The following SEMA6D variants were observed in gnomAD, a reference collection of about 807,000 sequenced individuals.
The protein encoded by SEMA6D is semaphorin-6D.
A neutral mutation model predicts 106.6 loss-of-function variants in SEMA6D; 35 were observed. The ratio of observed to expected loss-of-function variants is 0.33; its 90% confidence interval spans 0.25 to 0.44. SEMA6D has a LOEUF of 0.44. SEMA6D is among the 20% of genes least tolerant of loss of function. The probability of loss-of-function intolerance (pLI) is 1.00; values close to 1 mark genes in which losing one functional copy is unlikely to be tolerated. For synonymous variants in SEMA6D, 499 were observed against 487.7 expected (o/e 1.02, Z -0.31); for missense variants, 1,185 against 1,345.9 (o/e 0.88, Z 1.87).
At chr15:47,769,625 A>T (rs1247557303) in intron 18 of SEMA6D, among the ~76,000 whole-genome samples, 1 of 151,712 alleles carries the variant, frequency 6.6e-6, no homozygotes, top group African/African-American at 2.4e-5. Flanking sequence ...CTTCAAAATC[A>T]CTCTGACTTA....
In SEMA6D at chr15:47,738,165, A is replaced by G. The variant is rs188942680; in HGVS notation, c.-55+20473A>G. Among the ~76,000 whole-genome samples the G allele has an allele frequency of 9.3e-4, 142 of 151,946 alleles. 2 individuals are homozygous for G. The East Asian group carries it at 0.021, about 22-fold the overall frequency. ...TTCCCTCCCCTCAACCCCTACCCCA[A>G]ATAGGCCCTGGTGTGTGTTGTTCCC... is the stretch of plus-strand genomic sequence containing the variant. On this transcript the variant is annotated intron_variant, in intron 1 of 18. Coordinates refer to ENST00000536845, the MANE Select transcript of SEMA6D (RefSeq NM_001358351.3).
intron 1 of SEMA6D, among the ~76,000 whole-genome samples, chr15:47,376,782 C>T (rs1026456836): frequency 2.0e-5 from 3 of 152,114 alleles, no homozygotes; most frequent in African/African-American, 7.2e-5. Flanking sequence ...GTTAAGTACC[C>T]CCAATCTCCT....
At chr15:47,254,401 C>G (rs2033688419) in intron 1 of SEMA6D, among the ~76,000 whole-genome samples, 1 of 149,202 alleles carries the variant, frequency 6.7e-6, no homozygotes, top group African/African-American at 2.5e-5. Flanking sequence ...TTCTCCTTTC[C>G]CATTTGGATG....
intron 1 of SEMA6D, among the ~76,000 whole-genome samples, chr15:47,403,168 T>C (rs1024143992): frequency 6.6e-6 from 1 of 152,180 alleles, no homozygotes; most frequent in African/African-American, 2.4e-5. Context: ...GCCTTTTTTT[T>C]CCAGAATCCC....
chr15:47,538,127 A>C (rs1161792813), intron 3 of SEMA6D, among the ~76,000 whole-genome samples: 2 of 152,180 alleles, frequency 1.3e-5, no homozygotes, highest in African/African-American at 4.8e-5. Flanking sequence ...TCAGAGAAGA[A>C]AAGGACAGTG....
intron 9 of SEMA6D, 24 bp from the exon 10 acceptor site, chr15:47,763,826 G>C: frequency 6.3e-7 from 1 of 1,598,904 alleles, no homozygotes; most frequent in South Asian, 1.1e-5. Context: ...TAACCCCATT[G>C]CTTTGCTTCT....
chr15:47,670,831 T>G (rs1013787265), intron 4 of SEMA6D, among the ~76,000 whole-genome samples: 1 of 152,202 alleles, frequency 6.6e-6, no homozygotes, highest in Non-Finnish European at 1.5e-5. Context: ...TTTCTAAGCA[T>G]TAGGCAATCT....
chr15:47,202,016 T>C (rs1407736080), intron 1 of SEMA6D, among the ~76,000 whole-genome samples: 1 of 151,914 alleles, frequency 6.6e-6, no homozygotes, highest in African/African-American at 2.4e-5. Flanking sequence ...AAATAAAAGC[T>C]TTGTTTGGGA....
At chr15:47,766,251 A>T (rs2082331572) in intron 15 of SEMA6D, 69 bp downstream of exon 15, 1 of 1,362,710 alleles carries the variant, frequency 7.3e-7, no homozygotes, top group African/African-American at 1.5e-5. Flanking sequence ...TAGAAATTGC[A>T]GAAAACTTCC....
chr15:47,571,375 C>G (rs1020755898), intron 3 of SEMA6D, among the ~76,000 whole-genome samples: 11 of 152,182 alleles, frequency 7.2e-5, no homozygotes, highest in South Asian at 2.1e-4. Context: ...GCTGCCATGG[C>G]CATTGGCCTC....
rs1243156498 is a variant in SEMA6D at position 47,772,316 on chromosome 15, G to A, written c.*531G>A. On this transcript the variant is annotated 3_prime_UTR_variant, in exon 19 of 19. Coordinates refer to ENST00000536845, the MANE Select transcript of SEMA6D (RefSeq NM_001358351.3). ...GCTGTAGCATTTTTTTTTCATGTGT[G>A]GCATCTTTTTCATGCCACCAACAAA... The A allele has an allele frequency of 6.4e-6, 1 of 155,574 alleles. No individual in the cohort carries two copies. The highest frequency in any genetic ancestry group is 2.5e-5 in the African/African-American group (1 of 40,366). 9.6% of individuals were successfully genotyped at this position (155,574 alleles called of 1,614,324 possible).
intron 1 of SEMA6D, among the ~76,000 whole-genome samples, chr15:47,318,367 C>G (rs1433595356): frequency 7.4e-6 from 1 of 134,710 alleles, no homozygotes; most frequent in Non-Finnish European, 1.6e-5. Flanking sequence ...GCTGTACCCA[C>G]TAACTCGTCA....
intron 3 of SEMA6D, among the ~76,000 whole-genome samples, chr15:47,577,821 G>C (rs2076182597): frequency 6.6e-6 from 1 of 152,188 alleles, no homozygotes; most frequent in Admixed American, 6.5e-5. Flanking sequence ...TTCTATTCTT[G>C]CCTGTCAGTG....
At chr15:47,680,535 C>CA (rs1197207993) in intron 4 of SEMA6D, among the ~76,000 whole-genome samples, 1 of 152,102 alleles carries the variant, frequency 6.6e-6, no homozygotes, top group African/African-American at 2.4e-5. Flanking sequence ...CCTTACCCCT[C>CA]AAAAAATGAG....
chr15:47,400,488 C>CAAAAAAAAAAAAAAAAA, intron 1 of SEMA6D, among the ~76,000 whole-genome samples: 1 of 119,164 alleles, frequency 8.4e-6, no homozygotes, highest in East Asian at 2.5e-4. Flanking sequence ...GACTCTGTCT[C>CAAAAAAAAAAAAAAAAA]AAAAAAAAAA....
intron 1 of SEMA6D, among the ~76,000 whole-genome samples, chr15:47,309,573 G>A (rs2036364369): frequency 6.6e-6 from 1 of 152,240 alleles, no homozygotes; most frequent in African/African-American, 2.4e-5. Context: ...ACATGGAAAA[G>A]ACACAGTGTA....
chr15:47,506,909 G>A (rs2044061259), intron 3 of SEMA6D, among the ~76,000 whole-genome samples: 1 of 152,086 alleles, frequency 6.6e-6, no homozygotes, highest in South Asian at 2.1e-4. Context: ...TCTAATCCAA[G>A]CATAAAGTAA....
intron 1 of SEMA6D, among the ~76,000 whole-genome samples, chr15:47,744,349 A>G (rs1303918896): frequency 2.6e-5 from 4 of 152,326 alleles, no homozygotes; most frequent in Non-Finnish European, 5.9e-5. Flanking sequence ...AGTTTATTAA[A>G]TATCAGCTGC....
At chr15:47,475,675 C>T (rs775196198) in intron 3 of SEMA6D, among the ~76,000 whole-genome samples, 2 of 152,178 alleles carry the variant, frequency 1.3e-5, no homozygotes, top group African/African-American at 4.8e-5. Flanking sequence ...TTGCCAGCAT[C>T]CCAGTTCATA....
Sources: gnomAD v4.1 joint callset for allele counts (sites outside exome capture counted in the v4.1 genomes callset) on GRCh38, gnomAD v4.1.1 for gene constraint, MANE v1.5 for transcripts, NCBI Gene and HGNC (gene_info 2026-07-23, HGNC 2026-07-21) for gene names.